CDH17: variants seen among roughly 807,000 people sequenced by gnomAD.
CDH17 encodes cadherin 17.
Under a neutral mutation model 86.3 loss-of-function variants are expected in CDH17, and 67 were observed. The ratio of observed to expected loss-of-function variants is 0.78; its 90% CI spans 0.64 to 0.95. The LOEUF (loss-of-function observed/expected upper bound fraction) is 0.95, where lower values mean the gene tolerates loss of function less well. Among genes scored for constraint, CDH17 ranks in the 40% least tolerant of loss-of-function variants. The pLI, the probability that CDH17 is intolerant of heterozygous loss-of-function variation, is 0.00. For synonymous variants in CDH17, 367 were observed against 366.4 expected (o/e 1.00, Z -0.02); for missense variants, 993 against 1,017.6 (o/e 0.98, Z 0.33).
chr8:94,190,405 C>T (rs1413487132), intron 2 of CDH17, among the ~76,000 whole-genome samples: 6 of 152,200 alleles, frequency 3.9e-5, no homozygotes, highest in Non-Finnish European at 8.8e-5. Flanking sequence ...CACTGTAGCC[C>T]TCACCACAAC....
At chr8:94,205,738 T>C (rs1160257497) in intron 1 of CDH17, among the ~76,000 whole-genome samples, 1 of 152,112 alleles carries the variant, frequency 6.6e-6, no homozygotes, top group East Asian at 1.9e-4. Flanking sequence ...AAATAGCAAA[T>C]GCTCAACAAA....
rs144623277 is a variant in CDH17, at chr8:94,175,227, A to T, written c.425-967T>A. On this transcript the variant is annotated intron_variant, in intron 5 of 17. Transcript: ENST00000027335. Reference sequence around the variant, plus strand: ...TGGAGTCCTCAGTAAATTTTAAGAGAATATACAAGTCCTGAAACCAAAAAG... The same window carrying T: ...TGGAGTCCTCAGTAAATTTTAAGAGTATATACAAGTCCTGAAACCAAAAAG... 3.8e-3 allele frequency among the ~76,000 whole-genome samples: 582 copies of T among 152,310 alleles called. 8 individuals carry two copies. The highest frequency in any genetic ancestry group is 0.013 in the African/African-American group (549 of 41,574).
chr8:94,193,075 T>C (rs1275461043), intron 2 of CDH17, among the ~76,000 whole-genome samples: 1 of 152,154 alleles, frequency 6.6e-6, no homozygotes, highest in Admixed American at 6.5e-5. Flanking sequence ...ACAGCTGTGC[T>C]TGTGGCTTTC....
chr8:94,151,789 A>C (rs943782318), intron 13 of CDH17, 79 bp downstream of exon 13: 9 of 1,572,012 alleles, frequency 5.7e-6, no homozygotes, highest in Non-Finnish European at 7.8e-6. Context: ...CCCTGGAGTC[A>C]GTGCAGGCCA....
chr8:94,149,007 G>A, intron 13 of CDH17, 133 bp from the exon 14 acceptor site: 1 of 602,358 alleles, frequency 1.7e-6, no homozygotes, highest in South Asian at 3.2e-5. Context: ...TGATAATGCT[G>A]AGATTATCAT....
At chr8:94,137,466 C>T (rs1027717170) in intron 15 of CDH17, among the ~76,000 whole-genome samples, 46 of 152,300 alleles carry the variant, frequency 3.0e-4, no homozygotes, top group African/African-American at 1.0e-3. Flanking sequence ...AGAGAATCTC[C>T]TTCTCTGCCA....
intron 3 of CDH17, among the ~76,000 whole-genome samples, chr8:94,179,046 TA>T (rs3033905): frequency 7.9e-4 from 110 of 139,020 alleles, no homozygotes; most frequent in South Asian, 5.1e-3. Context: ...GAATGTTTAT[TA>T]AAAAAAAAAA....
At chr8:94,145,231 A>G (rs899698408) in intron 15 of CDH17, among the ~76,000 whole-genome samples, 5 of 152,234 alleles carry the variant, frequency 3.3e-5, no homozygotes, top group Non-Finnish European at 4.4e-5. Flanking sequence ...TGTAATAGCA[A>G]AAGTTGGAGT....
chr8:94,200,677 C>T (rs1224362393), intron 1 of CDH17, among the ~76,000 whole-genome samples: 1 of 151,120 alleles, frequency 6.6e-6, no homozygotes, highest in African/African-American at 2.4e-5. Flanking sequence ...ACCAGGGCAC[C>T]TGCTTGCAGA....
At chr8:94,207,228 A>C (rs1814046551) in intron 1 of CDH17, among the ~76,000 whole-genome samples, 2 of 152,092 alleles carry the variant, frequency 1.3e-5, no homozygotes, top group South Asian at 2.1e-4. Flanking sequence ...GGCATCACTG[A>C]TTTTTTTCTT....
intron 1 of CDH17, among the ~76,000 whole-genome samples, chr8:94,199,079 A>AT (rs1813852204): frequency 1.1e-4 from 1 of 8,890 alleles, no homozygotes; most frequent in Admixed American, 1.4e-3. Flanking sequence ...ATATATATAT[A>AT]TATATTTTTT....
At chr8:94,215,482 T>C (rs1398614293) in intron 1 of CDH17, among the ~76,000 whole-genome samples, 1 of 152,034 alleles carries the variant, frequency 6.6e-6, no homozygotes, top group South Asian at 2.1e-4. Context: ...TTGCCTGCAG[T>C]TGGGGGGCAG....
chr8:94,153,084 A>G (rs755710121), intron 12 of CDH17, among the ~76,000 whole-genome samples: 5 of 152,254 alleles, frequency 3.3e-5, no homozygotes, highest in Non-Finnish European at 7.3e-5. Context: ...GTGAAGCAGC[A>G]ACTTACAGAT....
intron 7 of CDH17, among the ~76,000 whole-genome samples, chr8:94,172,654 T>G (rs1813291638): frequency 6.6e-6 from 1 of 152,186 alleles, no homozygotes; most frequent in African/African-American, 2.4e-5. Flanking sequence ...GGAATATGAT[T>G]TTGTTCATCT....
In CDH17 at chr8:94,140,872, G is replaced by A. The variant is rs182804727; in HGVS notation, c.2167+5056C>T. Among the ~76,000 whole-genome samples the A allele has an allele frequency of 1.8e-3, 278 of 152,192 alleles. 1 individual carries two copies. Among genetic ancestry groups the A allele is most frequent in the African/African-American group, 6.5e-3 (268 of 41,544 alleles). On this transcript the variant is annotated intron_variant, in intron 15 of 17. Coordinates refer to ENST00000027335, the MANE Select transcript of CDH17 (RefSeq NM_004063.4). ...CTATATCTATAAAATTGAATTTGTA[G>A]TTAAAACTTCTTAAAAAGAAAATAC...
At chr8:94,140,130 A>G (rs1221874930) in intron 15 of CDH17, among the ~76,000 whole-genome samples, 2 of 152,146 alleles carry the variant, frequency 1.3e-5, no homozygotes, top group African/African-American at 4.8e-5. Context: ...ACAATGTATC[A>G]AATTTTGTGG....
intron 2 of CDH17, among the ~76,000 whole-genome samples, chr8:94,192,320 G>T (rs1165297048): frequency 6.6e-6 from 1 of 152,246 alleles, no homozygotes; most frequent in Non-Finnish European, 1.5e-5. Context: ...GCGGCTTTAT[G>T]CAGGAGTTGG....
upstream of CDH17, among the ~76,000 whole-genome samples, chr8:94,212,051 A>G (rs887592665): frequency 6.6e-5 from 10 of 152,340 alleles, no homozygotes; most frequent in African/African-American, 9.6e-5. Flanking sequence ...TCTGCTAGTC[A>G]TTGTTTTAGG....
intron 13 of CDH17, among the ~76,000 whole-genome samples, chr8:94,151,290 G>GA (rs1812851114): frequency 6.6e-6 from 1 of 152,024 alleles, no homozygotes; most frequent in African/African-American, 2.4e-5. Context: ...TTACTGAACT[G>GA]AAAAAAAGGA....
Sources: gnomAD v4.1 joint callset for allele counts (sites outside exome capture counted in the v4.1 genomes callset) on GRCh38, gnomAD v4.1.1 for gene constraint, MANE v1.5 for transcripts, NCBI Gene and HGNC (gene_info 2026-07-23, HGNC 2026-07-21) for gene names.